Variants in ARSJ observed in about 807,000 individuals in gnomAD.
The protein encoded by ARSJ is arylsulfatase J.
ARSJ carries 26 observed loss-of-function variants against 35.9 expected under a neutral mutation model. That is an observed-to-expected ratio of 0.72 (90% CI 0.53 to 1.00). The LOEUF (loss-of-function observed/expected upper bound fraction) is 1.00. ARSJ is among the 50% of genes least tolerant of loss of function. The probability of loss-of-function intolerance (pLI) is 0.00; values close to 1 mark genes in which losing one functional copy is unlikely to be tolerated. For missense variants in ARSJ, 667 were observed against 723.6 expected, an observed-to-expected ratio of 0.92 and a Z score of 0.90; for synonymous variants, 294 against 267.6, an observed-to-expected ratio of 1.10 and a Z score of -0.96.
intron 1 of ARSJ, among the ~76,000 whole-genome samples, chr4:113,910,698 C>T (rs913493039): frequency 6.6e-6 from 1 of 152,058 alleles, no homozygotes; most frequent in Admixed American, 6.6e-5. Flanking sequence ...GCTGTGGCAA[C>T]AAATATATGC....
At chr4:113,933,156 C>T (rs2374196) in intron 1 of ARSJ, among the ~76,000 whole-genome samples, 50,560 of 151,552 alleles carry the variant, frequency 0.33, 9,040 homozygotes, top group East Asian at 0.68. Flanking sequence ...AAAATAGAAC[C>T]ATGAAGAAAC....
Position 113,903,079 on chromosome 4 carries a change from G to A in ARSJ, c.995C>T (p.Pro332Leu). 1 of 1,614,164 alleles carries A rather than the reference G, an allele frequency of 6.2e-7. No homozygotes were observed. Among genetic ancestry groups the A allele is most frequent in the Non-Finnish European group, 8.5e-7 (1 of 1,180,028 alleles). ...IIYSSDNGGQ[P>L]TAGGSNWPLR... ...AGGCCAGTTACTCCCTCCTGCCGTA[G>A]GCTGGCCACCATTATCTGAAGAGTA... The change falls in exon 2 of 2, where the codon CCT becomes CTT. Residue 332 changes from proline (P) to leucine (L), a missense_variant. Pro to Leu is a moderately conservative substitution (Grantham distance 98, BLOSUM62 -3). Coordinates refer to ENST00000315366, the MANE Select transcript of ARSJ (RefSeq NM_024590.4).
intron 1 of ARSJ, among the ~76,000 whole-genome samples, chr4:113,971,401 A>G (rs1175851154): frequency 1.3e-5 from 2 of 152,210 alleles, no homozygotes; most frequent in African/African-American, 4.8e-5. Flanking sequence ...ACTCAATAGA[A>G]TTATCTAAAT....
At chr4:113,948,238 C>T (rs1205567637) in intron 1 of ARSJ, among the ~76,000 whole-genome samples, 2 of 151,928 alleles carry the variant, frequency 1.3e-5, no homozygotes, top group Non-Finnish European at 2.9e-5. Flanking sequence ...AAGTAGTGGG[C>T]TTGTGAGTTA....
At chr4:113,909,864 A>G (rs2099669912) in intron 1 of ARSJ, among the ~76,000 whole-genome samples, 1 of 152,184 alleles carries the variant, frequency 6.6e-6, no homozygotes. Context: ...TCTCCATTTA[A>G]CATCAGAACA....
chr4:113,924,113 A>ATATG (rs1562345890), intron 1 of ARSJ, among the ~76,000 whole-genome samples: 6 of 130,520 alleles, frequency 4.6e-5, no homozygotes, highest in East Asian at 4.3e-4. Context: ...ATATATATAT[A>ATATG]TATATATAAA....
rs549064345 is a variant in ARSJ, at chr4:113,955,396, A to C, written c.398+23041T>G. ...TTAGGTCGTAAATTTGCATGGACTC[A>C]TGGTAATCCAAATGACTGTATAACC... On this transcript the variant is annotated intron_variant, in intron 1 of 1. Coordinates refer to ENST00000315366, the MANE Select transcript of ARSJ (RefSeq NM_024590.4). Among the ~76,000 whole-genome samples the C allele has an allele frequency of 1.1e-4, 16 of 152,036 alleles. No individual in the cohort carries two copies. The South Asian group carries it at 1.2e-3, about 12-fold the overall frequency.
intron 1 of ARSJ, among the ~76,000 whole-genome samples, chr4:113,913,349 A>T (rs1488052255): frequency 6.6e-6 from 1 of 152,140 alleles, no homozygotes; most frequent in Non-Finnish European, 1.5e-5. Context: ...ACGCTAAGTG[A>T]TTCTTTTCTG....
chr4:113,909,245 G>C (rs2099669705), intron 1 of ARSJ, among the ~76,000 whole-genome samples: 1 of 152,066 alleles, frequency 6.6e-6, no homozygotes, highest in Non-Finnish European at 1.5e-5. Context: ...CATAGAATTA[G>C]GACTAATGGT....
chr4:113,919,369 T>G (rs886845894), intron 1 of ARSJ, among the ~76,000 whole-genome samples: 1 of 152,190 alleles, frequency 6.6e-6, no homozygotes, highest in African/African-American at 2.4e-5. Context: ...GGTAAGTCAC[T>G]TCTCTATGTA....
chr4:113,908,314 AG>A (rs752321986), intron 1 of ARSJ, among the ~76,000 whole-genome samples: 26 of 91,094 alleles, frequency 2.9e-4, no homozygotes, highest in Non-Finnish European at 5.0e-4. Context: ...TAAAGTATTG[AG>A]GGTGATGGGA....
At chr4:113,973,303 A>C (rs1034871341) in intron 1 of ARSJ, among the ~76,000 whole-genome samples, 2 of 152,156 alleles carry the variant, frequency 1.3e-5, no homozygotes, top group African/African-American at 4.8e-5. Flanking sequence ...CTATGTTTTC[A>C]ACTTTCCAAG....
At chr4:113,968,955 C>T (rs935032755) in intron 1 of ARSJ, among the ~76,000 whole-genome samples, 1 of 152,116 alleles carries the variant, frequency 6.6e-6, no homozygotes, top group Non-Finnish European at 1.5e-5. Flanking sequence ...TAATTCAAAA[C>T]TATTATGTAC....
At chr4:113,919,046 C>T (rs13111878) in intron 1 of ARSJ, among the ~76,000 whole-genome samples, 107,702 of 151,996 alleles carry the variant, frequency 0.71, 38,940 homozygotes, top group East Asian at 0.81. Context: ...CCATACTGCT[C>T]TCTTCAACTT....
intron 1 of ARSJ, among the ~76,000 whole-genome samples, chr4:113,954,284 TTAAACTTAA>T (rs1417176499): frequency 6.6e-6 from 1 of 152,090 alleles, no homozygotes; most frequent in Non-Finnish European, 1.5e-5. Context: ...AATTTCTTCC[TTAAACTTAA>T]TAATGTTTTC....
chr4:113,976,928 T>C (rs1254292436), intron 1 of ARSJ, among the ~76,000 whole-genome samples: 1 of 152,236 alleles, frequency 6.6e-6, no homozygotes, highest in Non-Finnish European at 1.5e-5. Flanking sequence ...TGCAAGATAA[T>C]GTTTAAGAAC....
intron 1 of ARSJ, chr4:113,906,639 G>A: frequency 4.6e-6 from 2 of 438,564 alleles, no homozygotes; most frequent in Non-Finnish European, 4.6e-6. Flanking sequence ...GTGGGTTAAG[G>A]GTGTAGGTTT....
chr4:113,917,920 T>C (rs1200427218), intron 1 of ARSJ, among the ~76,000 whole-genome samples: 2 of 152,308 alleles, frequency 1.3e-5, no homozygotes, highest in South Asian at 2.1e-4. Context: ...CCATGAAGAT[T>C]AAATGAGCTT....
intron 1 of ARSJ, among the ~76,000 whole-genome samples, chr4:113,921,757 T>C (rs1335564691): frequency 1.3e-5 from 2 of 152,162 alleles, no homozygotes; most frequent in Non-Finnish European, 2.9e-5. Flanking sequence ...TGCAAACTGC[T>C]GAAATAAAGA....
Sources: allele counts gnomAD v4.1 joint callset (sites outside exome capture counted in the v4.1 genomes callset), GRCh38; gene constraint gnomAD v4.1.1; transcripts MANE v1.5; gene names NCBI Gene and HGNC (gene_info 2026-07-23, HGNC 2026-07-21).